USP22: variants seen among roughly 807,000 people sequenced by gnomAD.
The protein encoded by USP22 is ubiquitin specific peptidase 22.
In USP22, 22 loss-of-function variants were observed where a neutral mutation model predicts 68.1. That is an observed-to-expected ratio of 0.32 (90% CI 0.23 to 0.46). The LOEUF (loss-of-function observed/expected upper bound fraction) is 0.46, where lower values mean the gene tolerates loss of function less well. Among genes scored for constraint, USP22 ranks in the 20% least tolerant of loss-of-function variants. The pLI is 1.00. For missense variants in USP22, 433 were observed against 695.8 expected (o/e 0.62, Z 4.25); for synonymous variants, 279 against 274.2 (o/e 1.02, Z -0.17).
intron 1 of USP22, among the ~76,000 whole-genome samples, chr17:21,032,016 A>G (rs1297895680): frequency 2.0e-5 from 3 of 152,274 alleles, no homozygotes; most frequent in Non-Finnish European, 4.4e-5. Flanking sequence ...GCAATGTTTC[A>G]GTGAATGACA....
chr17:21,029,832 G>T (rs1050435049), intron 1 of USP22, among the ~76,000 whole-genome samples: 1 of 152,172 alleles, frequency 6.6e-6, no homozygotes, highest in Non-Finnish European at 1.5e-5. Flanking sequence ...AAATACTCAG[G>T]ATAGATAAAT....
chr17:21,011,494 T>C (rs1032912075), intron 7 of USP22, 185 bp from the exon 8 acceptor site: 8 of 723,738 alleles, frequency 1.1e-5, no homozygotes, highest in Non-Finnish European at 1.7e-5. Flanking sequence ...GCTCCCAAGG[T>C]GGCCCTGGGG....
intron 1 of USP22, 64 bp downstream of exon 1, chr17:21,042,601 G>A: frequency 1.6e-6 from 2 of 1,256,170 alleles, no homozygotes; most frequent in Non-Finnish European, 2.0e-6. Context: ...GGGCCCCTCC[G>A]CCGGCCGGCC....
intron 1 of USP22, among the ~76,000 whole-genome samples, chr17:21,035,635 A>G (rs969826470): frequency 1.4e-4 from 21 of 152,240 alleles, no homozygotes; most frequent in Admixed American, 2.0e-4. Context: ...ATAAAGTAGA[A>G]GCAAAAAACT....
intron 8 of USP22, among the ~76,000 whole-genome samples, chr17:21,009,430 C>A (rs1465777877): frequency 6.7e-6 from 1 of 150,342 alleles, no homozygotes; most frequent in African/African-American, 2.5e-5. Context: ...CCAAAGGACT[C>A]GAAAAGGAGC....
At chr17:21,005,097 C>T in intron 10 of USP22, 107 bp from the exon 11 acceptor site, 1 of 1,231,820 alleles carries the variant, frequency 8.1e-7, no homozygotes, top group Non-Finnish European at 1.2e-6. Context: ...GCAGATGCTG[C>T]ACCGAGGTGC....
intron 1 of USP22, among the ~76,000 whole-genome samples, chr17:21,040,942 T>C (rs138572855): frequency 0.019 from 2,808 of 150,994 alleles, 47 homozygotes; most frequent in Middle Eastern, 0.031. Flanking sequence ...TGGAGTACAG[T>C]GGCGCGATCA....
intron 9 of USP22, 103 bp from the exon 10 acceptor site, chr17:21,007,090 T>A: frequency 9.7e-7 from 1 of 1,029,942 alleles, no homozygotes. Flanking sequence ...TGTTATCTCT[T>A]TTGTATTTTA....
intron 1 of USP22, among the ~76,000 whole-genome samples, chr17:21,038,199 AGCCTGG>A (rs1972380762): frequency 6.6e-6 from 1 of 152,206 alleles, no homozygotes; most frequent in Admixed American, 6.5e-5. Flanking sequence ...GTTCAAGACC[AGCCTGG>A]GCAACATAGG....
At chr17:21,009,958 C>T (rs985075394) in intron 8 of USP22, among the ~76,000 whole-genome samples, 16 of 107,120 alleles carry the variant, frequency 1.5e-4, no homozygotes, top group Non-Finnish European at 3.2e-4. Context: ...GACTCCGTCT[C>T]AAAAAAAAAA....
intron 8 of USP22, among the ~76,000 whole-genome samples, chr17:21,009,778 AAC>A (rs1349818528): frequency 6.6e-6 from 1 of 152,092 alleles, no homozygotes; most frequent in Non-Finnish European, 1.5e-5. Context: ...AATGTGGCGA[AAC>A]CTAGTCTCTA....
At chr17:21,042,634 A>G in intron 1 of USP22, 31 bp downstream of exon 1, 9 of 1,259,202 alleles carry the variant, frequency 7.1e-6, no homozygotes, top group Non-Finnish European at 9.0e-6. Flanking sequence ...GAAGGCCCCG[A>G]GCCCGCCGCG....
intron 8 of USP22, 130 bp downstream of exon 8, chr17:21,011,021 A>T: frequency 8.6e-6 from 11 of 1,278,554 alleles, no homozygotes; most frequent in Non-Finnish European, 1.0e-5. Flanking sequence ...ACTGCAGCCA[A>T]TCCAGGCTCA....
Position 21,002,698 on chromosome 17 carries a change from C to T in USP22, c.*333G>A, listed in dbSNP as rs1230943165. The T allele has an allele frequency of 6.2e-6, 2 of 323,324 alleles. No homozygotes were observed. The highest frequency in any genetic ancestry group is 1.5e-4 in the East Asian group (2 of 13,276). 20.0% of individuals were successfully genotyped at this position (323,324 alleles called of 1,614,324 possible). On this transcript the variant is annotated 3_prime_UTR_variant, in exon 13 of 13. Coordinates refer to ENST00000261497, the MANE Select transcript of USP22 (RefSeq NM_015276.2). ...TTTCCACACCGAGTGCTGGGGAACG[C>T]CAGGCAGCGGTCACTCTGTGCTGTG...
At chr17:21,023,008 G>A (rs1486569597) in intron 2 of USP22, among the ~76,000 whole-genome samples, 1 of 152,176 alleles carries the variant, frequency 6.6e-6, no homozygotes, top group Non-Finnish European at 1.5e-5. Flanking sequence ...AAAATGAAAT[G>A]AGATCATGTC....
rs1171221934 is a variant in USP22 at position 20,999,781 on chromosome 17, A to C, written c.*3250T>G. 3 of 152,270 alleles carry C rather than the reference A, an allele frequency of 2.0e-5. No individual in the cohort carries two copies. Among genetic ancestry groups the C allele is most frequent in the Admixed American group, 6.5e-5 (1 of 15,290 alleles). The allele number at this position is 152,270 out of a possible 1,614,324, so 9.4% of individuals were successfully genotyped here. On this transcript the variant is annotated 3_prime_UTR_variant, in exon 13 of 13. Coordinates refer to ENST00000261497, the MANE Select transcript of USP22 (RefSeq NM_015276.2). ...ATTTTTATTTTCAAACTTACAGTAA[A>C]CAAAACAATCACTTAAATTGTCAAA... is the stretch of plus-strand genomic sequence containing the variant.
At chr17:21,021,542 G>A (rs1972156531) in intron 2 of USP22, among the ~76,000 whole-genome samples, 1 of 152,162 alleles carries the variant, frequency 6.6e-6, no homozygotes, top group African/African-American at 2.4e-5. Flanking sequence ...ATTTAAAACT[G>A]GTACAACTGC....
intron 6 of USP22, chr17:21,015,514 G>A (rs2143560607): frequency 3.9e-6 from 2 of 511,158 alleles, no homozygotes; most frequent in South Asian, 6.1e-5. Flanking sequence ...CGGTCACTGA[G>A]GACCTGTCAT....
intron 1 of USP22, among the ~76,000 whole-genome samples, chr17:21,039,295 G>C (rs111840202): frequency 6.6e-6 from 1 of 151,456 alleles, no homozygotes; most frequent in Non-Finnish European, 1.5e-5. Flanking sequence ...ATGGCAATTC[G>C]GGCCAGGCGC....
Sources: allele counts gnomAD v4.1 joint callset (sites outside exome capture counted in the v4.1 genomes callset), GRCh38; gene constraint gnomAD v4.1.1; transcripts MANE v1.5; gene names NCBI Gene and HGNC (gene_info 2026-07-23, HGNC 2026-07-21).